The following RP1 variants were observed in gnomAD, a reference collection of about 807,000 sequenced individuals.
The protein encoded by RP1 is RP1 axonemal microtubule associated, also known as oxygen-regulated protein 1.
In RP1, 16 loss-of-function variants were observed where a neutral mutation model predicts 14.8. The observed-to-expected ratio is 1.08, with a 90% CI of 0.73 to 1.65. RP1 has a LOEUF of 1.65. Ranked by LOEUF, RP1 falls within the 40% of genes most tolerant of loss-of-function variation. RP1 has a pLI of 0.00. For synonymous variants in RP1, 876 were observed against 883.6 expected, an observed-to-expected ratio of 0.99 and a Z score of 0.15; for missense variants, 2,631 against 2,535.0, an observed-to-expected ratio of 1.04 and a Z score of -0.81.
rs192099733 is a variant in RP1, at chr8:54,866,440, G to A, written c.4151+524G>A. On this transcript the variant is annotated intron_variant, in intron 28 of 28. Transcript: ENST00000637698. ...AGGGTAACTGTAATTCCTTGGCCGG[G>A]TGGTCATAGGTGAATCTCTTAAACT... Among the ~76,000 whole-genome samples the A allele has an allele frequency of 1.4e-3, 219 of 152,296 alleles. 3 individuals are homozygous for A. The highest frequency in any genetic ancestry group is 4.5e-3 in the African/African-American group (186 of 41,574).
At chr8:54,832,365 A>T (rs1811550846) in intron 24 of RP1, among the ~76,000 whole-genome samples, 1 of 151,710 alleles carries the variant, frequency 6.6e-6, no homozygotes, top group Admixed American at 6.6e-5. Flanking sequence ...ATTTCTATTA[A>T]CTGTCTTCAA....
chr8:54,685,747 C>T (rs959795745), intron 12 of RP1, among the ~76,000 whole-genome samples: 2 of 152,078 alleles, frequency 1.3e-5, no homozygotes, highest in African/African-American at 4.8e-5. Context: ...TCCAATGTGG[C>T]CTGGGGAAGC....
chr8:54,575,812 C>T lies in RP1; in HGVS notation c.-13+16492C>T, dbSNP rs199866970. On this transcript the variant is annotated intron_variant, in intron 1 of 22. Transcript: ENST00000636932. ...CGCACTCTATCCTCAAGTGGGGCCC[C>T]AGTGTTTGTTGTTCCCTACTTTGTG... Among the ~76,000 whole-genome samples the T allele has an allele frequency of 5.3e-5, 8 of 152,196 alleles. No homozygotes were observed. The East Asian group carries it at 1.4e-3, about 26-fold the overall frequency.
chr8:54,761,018 G>T (rs552139194), intron 22 of RP1, among the ~76,000 whole-genome samples: 2 of 152,226 alleles, frequency 1.3e-5, no homozygotes, highest in South Asian at 4.2e-4. Context: ...CTGGGGCACT[G>T]GTGGAAGCTC....
chr8:54,791,304 G>GCTCC, intron 24 of RP1, among the ~76,000 whole-genome samples: 1 of 152,090 alleles, frequency 6.6e-6, no homozygotes, highest in Non-Finnish European at 1.5e-5. Flanking sequence ...TGATGAAGGA[G>GCTCC]TTCATCACTT....
Position 54,628,370 on chromosome 8 carries a change from A to G in RP1, c.4488A>G (p.Glu1496=), listed in dbSNP as rs370268072. The G allele has an allele frequency of 1.1e-5, 18 of 1,613,678 alleles. No homozygotes were observed. The African/African-American group carries it at 2.3e-4, about 20-fold the overall frequency. The change falls in exon 4 of 4, where the codon GAA becomes GAG. Residue 1496 remains glutamate, a synonymous_variant. Coordinates refer to ENST00000220676, the MANE Select transcript of RP1 (RefSeq NM_006269.2). ...GEQATEELIQ[E]EVEASKTLEL... ...AAGCCACTGAAGAATTAATCCAAGA[A>G]GAGGTAGAGGCTAGTAAAACTTTAG...
intron 24 of RP1, among the ~76,000 whole-genome samples, chr8:54,815,123 T>C (rs1449140701): frequency 6.6e-6 from 1 of 152,254 alleles, no homozygotes; most frequent in Non-Finnish European, 1.5e-5. Flanking sequence ...TTAATAACTC[T>C]TAGTCATAGA....
intron 24 of RP1, among the ~76,000 whole-genome samples, chr8:54,815,214 G>A (rs550723280): frequency 6.6e-6 from 1 of 152,268 alleles, no homozygotes; most frequent in African/African-American, 2.4e-5. Flanking sequence ...TGGAGTTAAT[G>A]GATGTGTTTG....
At chr8:54,588,321 AAC>A (rs1356626965) in intron 1 of RP1, among the ~76,000 whole-genome samples, 2 of 152,184 alleles carry the variant, frequency 1.3e-5, no homozygotes, top group Admixed American at 6.5e-5. Context: ...CAAAAGAGCA[AAC>A]ACATAACTGG....
At chr8:54,810,810 G>T (rs545556070) in intron 24 of RP1, among the ~76,000 whole-genome samples, 16 of 152,286 alleles carry the variant, frequency 1.1e-4, no homozygotes, top group African/African-American at 3.1e-4. Flanking sequence ...GTTGATGATA[G>T]AAAAGGGCAT....
intron 12 of RP1, among the ~76,000 whole-genome samples, chr8:54,698,804 C>T (rs1434117438): frequency 6.6e-6 from 1 of 152,068 alleles, no homozygotes; most frequent in Non-Finnish European, 1.5e-5. Context: ...AACCAAACAC[C>T]TCATGTTTTC....
At chr8:54,706,870 G>A (rs111909736) in intron 15 of RP1, among the ~76,000 whole-genome samples, 3 of 152,276 alleles carry the variant, frequency 2.0e-5, no homozygotes, top group African/African-American at 7.2e-5. Context: ...GAAATGTAAT[G>A]TATGTACAAA....
chr8:54,566,708 C>T (rs796131172), intron 1 of RP1, among the ~76,000 whole-genome samples: 7 of 152,252 alleles, frequency 4.6e-5, no homozygotes, highest in African/African-American at 1.7e-4. Flanking sequence ...TAGATGGTGG[C>T]TCCCAGCTGA....
At chr8:54,693,981 G>T (rs912485016) in intron 12 of RP1, among the ~76,000 whole-genome samples, 39 of 152,084 alleles carry the variant, frequency 2.6e-4, no homozygotes, top group Non-Finnish European at 1.5e-5. Context: ...TTATTATTTT[G>T]AGATACATCC....
At chr8:54,741,879 T>C (rs866978211) in intron 19 of RP1, among the ~76,000 whole-genome samples, 4 of 151,364 alleles carry the variant, frequency 2.6e-5, no homozygotes, top group African/African-American at 9.7e-5. Context: ...ATAATGAGTA[T>C]TTGTTGAGTG....
intron 24 of RP1, among the ~76,000 whole-genome samples, chr8:54,825,426 A>C (rs1330627535): frequency 6.6e-6 from 1 of 152,220 alleles, no homozygotes; most frequent in East Asian, 1.9e-4. Flanking sequence ...TTGTGTCTTT[A>C]GACATAAAAA....
intron 24 of RP1, among the ~76,000 whole-genome samples, chr8:54,798,926 T>C (rs1401134684): frequency 6.6e-6 from 1 of 152,084 alleles, no homozygotes; most frequent in Non-Finnish European, 1.5e-5. Context: ...ATATTTGTTA[T>C]ATTTCTTTTT....
At chr8:54,610,697 G>T (rs1439186598) in intron 1 of RP1, among the ~76,000 whole-genome samples, 1 of 152,058 alleles carries the variant, frequency 6.6e-6, no homozygotes, top group African/African-American at 2.4e-5. Context: ...CAGTTTTATT[G>T]CTCTCATTCC....
intron 12 of RP1, among the ~76,000 whole-genome samples, chr8:54,691,108 C>A (rs1223019400): frequency 6.6e-6 from 1 of 152,000 alleles, no homozygotes. Context: ...AGTAGAAACA[C>A]TTTGGCAGCT....
Sources: gnomAD v4.1 joint callset for allele counts (sites outside exome capture counted in the v4.1 genomes callset) on GRCh38, gnomAD v4.1.1 for gene constraint, MANE v1.5 for transcripts, NCBI Gene and HGNC (gene_info 2026-07-23, HGNC 2026-07-21) for gene names.